TENM1: variants seen among roughly 807,000 people sequenced by gnomAD.
TENM1 encodes teneurin transmembrane protein 1.
Under a neutral mutation model 174.8 loss-of-function variants are expected in TENM1, and 35 were observed. The ratio of observed to expected loss-of-function variants is 0.20; its 90% CI spans 0.15 to 0.27. The LOEUF (loss-of-function observed/expected upper bound fraction) is 0.27. Among genes scored for constraint, TENM1 ranks in the 10% least tolerant of loss-of-function variants. The probability of loss-of-function intolerance (pLI) is 1.00; values close to 1 mark genes in which losing one functional copy is unlikely to be tolerated. For synonymous variants in TENM1, 781 were observed against 798.7 expected, an observed-to-expected ratio of 0.98 and a Z score of 0.37; for missense variants, 1,633 against 2,130.1, an observed-to-expected ratio of 0.77 and a Z score of 4.59.
At chrX:124,909,157 C>T (rs1224141703) in intron 1 of TENM1, among the ~76,000 whole-genome samples, 4 of 112,456 alleles carry the variant, frequency 3.6e-5, no homozygotes, top group Non-Finnish European at 7.5e-5. Context: ...CTGTGCCCAG[C>T]TTATTAGTCC....
intron 3 of TENM1, among the ~76,000 whole-genome samples, chrX:124,759,796 AAT>A (rs1340412243): frequency 8.9e-6 from 1 of 112,208 alleles, no homozygotes; most frequent in East Asian, 2.8e-4. Context: ...TAAATAAAAT[AAT>A]AAATAGCCGA....
the TENM1 span, among the ~76,000 whole-genome samples, chrX:125,071,536 A>G: frequency 8.9e-6 from 1 of 112,123 alleles, no homozygotes. Flanking sequence ...CAGTTACATG[A>G]AACGTTTCAA....
chrX:124,842,178 T>A lies in TENM1; in HGVS notation c.535+52118A>T, dbSNP rs758204902. Reference sequence around the variant, plus strand: ...GTGCTCTCAGTCTACTGCCTAGAACTCCATATTACCATGGCCCAATACCTA... The same window carrying A: ...GTGCTCTCAGTCTACTGCCTAGAACACCATATTACCATGGCCCAATACCTA... On this transcript the variant is annotated intron_variant, in intron 3 of 31. Transcript: ENST00000422452. Among the ~76,000 whole-genome samples, 2 of 111,481 alleles carry A rather than the reference T, an allele frequency of 1.8e-5. 1 individual carries two copies. The highest frequency in any genetic ancestry group is 7.5e-4 in the South Asian group (2 of 2,660).
intron 3 of TENM1, among the ~76,000 whole-genome samples, chrX:124,793,901 T>A: frequency 9.0e-6 from 1 of 110,871 alleles, no homozygotes; most frequent in Non-Finnish European, 1.9e-5. Flanking sequence ...CATCTCTTTT[T>A]AAAAACCTCT....
In TENM1 at chrX:124,742,674, T is replaced by C. The variant is rs994755188; in HGVS notation, c.536-5477A>G. 2.7e-5 allele frequency among the ~76,000 whole-genome samples: 3 copies of C among 110,989 alleles called. No individual in the cohort carries two copies. In the Admixed American group the frequency reaches 2.9e-4, roughly 11 times the overall value. ...TATGTACAGCAGCACCTTTGTAAAA[T>C]TTGAAAAATTCTAAATTCTGAAAAA... On this transcript the variant is annotated intron_variant, in intron 3 of 31. Coordinates refer to ENST00000422452, the Ensembl canonical transcript of TENM1.
chrX:124,938,395 T>C (rs1329310561), intron 1 of TENM1, among the ~76,000 whole-genome samples: 5 of 112,303 alleles, frequency 4.5e-5, no homozygotes, highest in Admixed American at 1.9e-4. Flanking sequence ...ATTTAAACAG[T>C]TGAACTTCCA....
At chrX:124,566,920 A>C (rs1602676953) in intron 11 of TENM1, among the ~76,000 whole-genome samples, 1 of 112,168 alleles carries the variant, frequency 8.9e-6, no homozygotes, top group South Asian at 3.7e-4. Flanking sequence ...TTTGCGTAAG[A>C]ATGCAATAGA....
exon 7 of TENM1, chrX:124,653,647 A>C: frequency 8.3e-7 from 1 of 1,209,389 alleles, no homozygotes. Context: ...CCTTGGCTAA[A>C]GAAATATTGA....
the TENM1 span, among the ~76,000 whole-genome samples, chrX:125,189,525 G>A: frequency 8.9e-6 from 1 of 111,982 alleles, no homozygotes; most frequent in African/African-American, 3.2e-5. Context: ...GACCCTGCAA[G>A]CAGAGCCCTA....
chrX:124,770,682 T>C (rs1298273821), intron 3 of TENM1, among the ~76,000 whole-genome samples: 1 of 110,838 alleles, frequency 9.0e-6, no homozygotes, highest in Non-Finnish European at 1.9e-5. Flanking sequence ...GTGCTGGGAT[T>C]ACAGGCGTGA....
intron 28 of TENM1, among the ~76,000 whole-genome samples, chrX:124,390,399 T>C (rs1003257544): frequency 8.9e-6 from 1 of 112,468 alleles, no homozygotes; most frequent in Non-Finnish European, 1.9e-5. Context: ...ATGTGCAGGT[T>C]AGTTACGTAT....
the TENM1 span, among the ~76,000 whole-genome samples, chrX:125,071,379 G>T: frequency 1.8e-5 from 2 of 111,680 alleles, no homozygotes; most frequent in South Asian, 7.5e-4. Flanking sequence ...GGTCAATAGA[G>T]ATTCATCCCA....
intron 16 of TENM1, among the ~76,000 whole-genome samples, chrX:124,528,477 G>T (rs981139152): frequency 9.0e-6 from 1 of 110,959 alleles, no homozygotes; most frequent in African/African-American, 3.3e-5. Context: ...TCTATTTAGA[G>T]AAATAACCCA....
At chrX:124,648,446 T>C (rs925660756) in intron 8 of TENM1, among the ~76,000 whole-genome samples, 3 of 111,974 alleles carry the variant, frequency 2.7e-5, no homozygotes, top group Non-Finnish European at 5.6e-5. Flanking sequence ...GTTAGAAAAC[T>C]CAAATGGATA....
chrX:124,608,866 A>C (rs2050220589), intron 11 of TENM1, among the ~76,000 whole-genome samples: 1 of 107,525 alleles, frequency 9.3e-6, no homozygotes, highest in African/African-American at 3.4e-5. Context: ...ATTCTTTTTG[A>C]GCTAAATCTA....
chrX:124,432,610 G>C (rs1230599140), intron 23 of TENM1, among the ~76,000 whole-genome samples: 1 of 111,483 alleles, frequency 9.0e-6, no homozygotes, highest in Non-Finnish European at 1.9e-5. Flanking sequence ...ATTTTTAGTA[G>C]AGATGGGGTT....
chrX:124,394,437 C>A (rs965343754), intron 27 of TENM1, among the ~76,000 whole-genome samples: 2 of 111,926 alleles, frequency 1.8e-5, no homozygotes, highest in African/African-American at 6.5e-5. Context: ...AATCCAAGAT[C>A]AACATCCTGG....
intron 3 of TENM1, among the ~76,000 whole-genome samples, chrX:124,792,089 G>C (rs1217623171): frequency 3.6e-5 from 4 of 111,660 alleles, no homozygotes; most frequent in Non-Finnish European, 7.5e-5. Flanking sequence ...AGTACTTCTA[G>C]AAGTTTGCCA....
the TENM1 span, among the ~76,000 whole-genome samples, chrX:125,181,470 G>A: frequency 8.9e-6 from 1 of 111,818 alleles, no homozygotes; most frequent in Non-Finnish European, 1.9e-5. Flanking sequence ...CCACTAGCTT[G>A]AAACTTCAAT....
Sources: gnomAD v4.1 joint callset for allele counts (sites outside exome capture counted in the v4.1 genomes callset) on GRCh38, gnomAD v4.1.1 for gene constraint, MANE v1.5 for transcripts, NCBI Gene and HGNC (gene_info 2026-07-23, HGNC 2026-07-21) for gene names.